AFF2: variants seen among roughly 807,000 people sequenced by gnomAD.
AFF2 encodes ALF transcription elongation factor 2.
AFF2 carries 14 observed loss-of-function variants against 76.9 expected under a neutral mutation model. The observed-to-expected ratio is 0.18, with a 90% confidence interval of 0.12 to 0.28. The LOEUF is 0.28. Ranked by LOEUF, AFF2 falls within the 10% of genes least tolerant of loss-of-function variation. The pLI is 1.00. For missense variants in AFF2, 868 were observed against 1,001.1 expected (o/e 0.87, Z 1.79); for synonymous variants, 398 against 366.7 (o/e 1.09, Z -0.98).
chrX:148,536,743 C>T (rs2052790056), intron 1 of AFF2, among the ~76,000 whole-genome samples: 1 of 112,308 alleles, frequency 8.9e-6, no homozygotes, highest in African/African-American at 3.2e-5. Context: ...ATTGAAGTGG[C>T]TTAATTATTT....
intron 3 of AFF2, among the ~76,000 whole-genome samples, chrX:148,701,008 GAGAA>G (rs1472127206): frequency 4.5e-5 from 4 of 88,244 alleles, no homozygotes; most frequent in Middle Eastern, 5.0e-3. Flanking sequence ...GAGAGAGAGA[GAGAA>G]TGTGTGTGTG....
intron 1 of AFF2, among the ~76,000 whole-genome samples, chrX:148,523,891 G>C (rs782523922): frequency 9.0e-6 from 1 of 111,333 alleles, no homozygotes; most frequent in African/African-American, 3.3e-5. Flanking sequence ...GAGGAGAATG[G>C]TTGAAGAGAG....
At chrX:148,908,348 T>C (rs1308787054) in intron 9 of AFF2, among the ~76,000 whole-genome samples, 1 of 112,188 alleles carries the variant, frequency 8.9e-6, no homozygotes, top group Non-Finnish European at 1.9e-5. Context: ...TATTCAGAGA[T>C]TGCAGTAAAG....
intron 1 of AFF2, among the ~76,000 whole-genome samples, chrX:148,614,745 TC>T (rs2053775584): frequency 5.0e-5 from 2 of 39,972 alleles, no homozygotes; most frequent in Non-Finnish European, 9.7e-5. Context: ...TTCTTTTCTT[TC>T]TTTCTTTCTT....
intron 1 of AFF2, among the ~76,000 whole-genome samples, chrX:148,562,817 A>T (rs911318238): frequency 1.8e-5 from 2 of 111,758 alleles, no homozygotes; most frequent in African/African-American, 6.5e-5. Flanking sequence ...TGAACTAGGT[A>T]CTGGGGGCTC....
chrX:148,863,660 G>A (rs1347833940), intron 7 of AFF2, among the ~76,000 whole-genome samples: 1 of 111,411 alleles, frequency 9.0e-6, no homozygotes. Flanking sequence ...AATACCAAGA[G>A]TAGGTAGAGA....
intron 15 of AFF2, among the ~76,000 whole-genome samples, chrX:148,970,860 A>C (rs1285105330): frequency 2.7e-5 from 3 of 111,963 alleles, no homozygotes; most frequent in African/African-American, 9.7e-5. Context: ...TAAAGCAAAA[A>C]TGTATGTGTT....
chrX:148,611,783 G>C (rs554362270), intron 1 of AFF2, among the ~76,000 whole-genome samples: 6 of 111,298 alleles, frequency 5.4e-5, no homozygotes, highest in African/African-American at 2.0e-4. Context: ...CCCACCCGTA[G>C]TGGGCCCAGC....
chrX:148,702,580 G>A (rs1169742756), intron 3 of AFF2, among the ~76,000 whole-genome samples: 1 of 111,790 alleles, frequency 8.9e-6, no homozygotes, highest in African/African-American at 3.3e-5. Context: ...AGTGCTGTCA[G>A]GAGTGTCCCA....
At chrX:148,854,544 T>C (rs1003436412) in intron 7 of AFF2, among the ~76,000 whole-genome samples, 2 of 111,391 alleles carry the variant, frequency 1.8e-5, no homozygotes, top group Non-Finnish European at 3.8e-5. Context: ...TGGCAACCTT[T>C]TTCAAACCAC....
intron 1 of AFF2, among the ~76,000 whole-genome samples, chrX:148,588,091 C>T (rs1276071168): frequency 5.3e-5 from 6 of 112,541 alleles, no homozygotes; most frequent in African/African-American, 1.9e-4. Flanking sequence ...GGAAACTAGC[C>T]TGCTCCCTTA....
chrX:148,844,291 A>G lies in AFF2; in HGVS notation c.1262+858A>G, dbSNP rs781892537. Among the ~76,000 whole-genome samples the G allele has an allele frequency of 1.4e-4, 16 of 111,793 alleles. 1 individual carries two copies. Among genetic ancestry groups the G allele is most frequent in the Admixed American group, 1.4e-3 (15 of 10,538 alleles). ...TTTGCAGGTCATCAGGCACCTGTAT[A>G]TTAAAGACAAACAAGGGCATCCAGG... On this transcript the variant is annotated intron_variant, in intron 7 of 20. Coordinates refer to ENST00000370460, the MANE Select transcript of AFF2 (RefSeq NM_002025.4).
At chrX:148,616,088 A>G (rs2053796979) in intron 1 of AFF2, among the ~76,000 whole-genome samples, 1 of 111,899 alleles carries the variant, frequency 8.9e-6, no homozygotes, top group Non-Finnish European at 1.9e-5. Flanking sequence ...AAACAGAAAG[A>G]GACATGCTTA....
Position 148,956,276 on chromosome X carries a change from C to T in AFF2, c.2231C>T (p.Ala744Val). 1 of 1,211,755 alleles carries T rather than the reference C, an allele frequency of 8.3e-7. No homozygotes were observed. ...PPCIISGGNT[A>V]KSKEICGASL... ...TGCATTATTTCTGGAGGTAATACTG[C>T]CAAATCCAAGGAAATCTGTGGTGCC... is the stretch of plus-strand genomic sequence containing the variant. The change falls in exon 11 of 21, where the codon GCC (alanine) becomes GTC (valine). Residue 744 changes from alanine (A) to valine (V), a missense_variant. Ala to Val is a moderately conservative substitution (Grantham distance 64). This residue lies in a region of AFF2 where 532 missense variants were observed against 564.2 expected (regional missense o/e 0.94). Transcript: ENST00000370460.
chrX:148,664,096 C>G (rs782017075), intron 3 of AFF2, among the ~76,000 whole-genome samples: 12 of 111,312 alleles, frequency 1.1e-4, no homozygotes, highest in Non-Finnish European at 2.1e-4. Flanking sequence ...CCCCTCTTGA[C>G]TGGTCTCCTT....
chrX:148,743,094 A>C (rs1237625582), intron 3 of AFF2, among the ~76,000 whole-genome samples: 3 of 112,000 alleles, frequency 2.7e-5, no homozygotes, highest in Admixed American at 9.5e-5. Flanking sequence ...TTCTCTCTCT[A>C]AAACTGACTT....
At chrX:148,658,229 T>A (rs186312362) in intron 2 of AFF2, among the ~76,000 whole-genome samples, 52 of 112,150 alleles carry the variant, frequency 4.6e-4, no homozygotes, top group Middle Eastern at 4.6e-3. Context: ...ACTACTACAA[T>A]AATTCCTACT....
intron 1 of AFF2, among the ~76,000 whole-genome samples, chrX:148,568,737 C>T (rs1456867473): frequency 3.6e-5 from 4 of 111,894 alleles, no homozygotes; most frequent in Non-Finnish European, 7.5e-5. Flanking sequence ...TCTTTCTGCT[C>T]ACAAATATAC....
Position 148,719,101 on chromosome X carries a change from G to T in AFF2, c.1041+56333G>T, listed in dbSNP as rs781997605. 3.6e-6 allele frequency: 4 copies of T among 1,108,174 alleles called. No individual in the cohort carries two copies. The East Asian group carries it at 1.3e-4, about 37-fold the overall frequency. The allele number at this position is 1,108,174 out of a possible 1,213,427, so 91.3% of individuals were successfully genotyped here. ...TGGGATATTAAGGTGAGTTTTGGTTGTGGCAACCCAGAGGAAGGTTGCAGT... is the reference window on the plus strand; with the variant it reads ...TGGGATATTAAGGTGAGTTTTGGTTTTGGCAACCCAGAGGAAGGTTGCAGT... On this transcript the variant is annotated intron_variant, in intron 3 of 20. Transcript: ENST00000370460.
Sources: allele counts gnomAD v4.1 joint callset (sites outside exome capture counted in the v4.1 genomes callset), GRCh38; gene constraint gnomAD v4.1.1; regional missense constraint gnomAD v4.1.1; transcripts MANE v1.5; gene names NCBI Gene and HGNC (gene_info 2026-07-23, HGNC 2026-07-21).